PDZD2: variants seen among roughly 807,000 people sequenced by gnomAD.
PDZD2 encodes PDZ domain-containing protein 2.
A neutral mutation model predicts 220.7 loss-of-function variants in PDZD2; 90 were observed. The ratio of observed to expected loss-of-function variants is 0.41; its 90% confidence interval spans 0.34 to 0.49. PDZD2 has a LOEUF of 0.49. PDZD2 is among the 20% of genes least tolerant of loss of function. The probability of loss-of-function intolerance (pLI) is 0.28; values close to 1 mark genes in which losing one functional copy is unlikely to be tolerated. For synonymous variants in PDZD2, 1,375 were observed against 1,450.5 expected, an observed-to-expected ratio of 0.95 and a Z score of 1.18; for missense variants, 3,174 against 3,608.5, an observed-to-expected ratio of 0.88 and a Z score of 3.08.
At chr5:31,673,435 G>C (rs1651058) in intron 1 of PDZD2, among the ~76,000 whole-genome samples, 28,610 of 152,172 alleles carry the variant, frequency 0.19, 2,973 homozygotes, top group African/African-American at 0.27. Context: ...CCTAGAACAA[G>C]AGGTTATGGC....
At position 31,826,329 on chromosome 5, in the gene PDZD2, C is replaced by A. The variant is rs568616113; in HGVS notation, c.476+26605C>A. Among the ~76,000 whole-genome samples, 146 of 152,134 alleles carry A rather than the reference C, an allele frequency of 9.6e-4. 1 individual carries two copies. Among genetic ancestry groups the A allele is most frequent in the Non-Finnish European group, 1.6e-3 (111 of 68,012 alleles). ...CTCCAAACCTTTTCAGGTAACAGTT[C>A]CCTGCAAAGTCTGAAAACAACCACT... On this transcript the variant is annotated intron_variant, in intron 2 of 24. Coordinates refer to ENST00000438447, the MANE Select transcript of PDZD2 (RefSeq NM_178140.4).
At chr5:31,681,826 T>A (rs1275842991) in intron 1 of PDZD2, among the ~76,000 whole-genome samples, 2 of 152,184 alleles carry the variant, frequency 1.3e-5, no homozygotes, top group East Asian at 3.9e-4. Flanking sequence ...TTGGTGACCA[T>A]AGAGACTCCA....
rs1371730435 is a variant in PDZD2 at position 32,109,069 on chromosome 5, G to C, written c.*934G>C. Reference sequence around the variant, plus strand: ...AGTCAGTCACTGGGTTTCCATTTCTGAATTTTATGCACTCCAACCATGAAT... The same window carrying C: ...AGTCAGTCACTGGGTTTCCATTTCTCAATTTTATGCACTCCAACCATGAAT... On this transcript the variant is annotated 3_prime_UTR_variant, in exon 25 of 25. Transcript: ENST00000438447. The C allele has an allele frequency of 1.3e-5, 2 of 152,536 alleles. No individual in the cohort carries two copies. The highest frequency in any genetic ancestry group is 2.9e-5 in the Non-Finnish European group (2 of 68,020). 9.4% of individuals were successfully genotyped at this position (152,536 alleles called of 1,614,324 possible).
rs781780217 is a variant in PDZD2, at chr5:32,074,524, T to C, written c.3418T>C (p.Ser1140Pro). Reference protein sequence around the residue: ...RSEAEAKPSGSQTVNLTGRAN... With the variant: ...RSEAEAKPSGPQTVNLTGRAN... ...CGAGGCTGAGGCCAAGCCCAGTGGC[T>C]CACAGACAGTGAACCTGACTGGCAG... is the stretch of plus-strand genomic sequence containing the variant. Residue 1140 changes from serine to proline, a missense_variant, in exon 18 of 25, where the codon TCA (serine) becomes CCA (proline). Ser to Pro is a moderately conservative substitution (Grantham distance 74). Transcript: ENST00000438447. The C allele has an allele frequency of 1.2e-6, 2 of 1,614,106 alleles. No homozygotes were observed. Among genetic ancestry groups the C allele is most frequent in the Non-Finnish European group, 8.5e-7 (1 of 1,179,974 alleles).
chr5:32,028,600 A>G (rs1404658923), intron 6 of PDZD2, among the ~76,000 whole-genome samples: 2 of 151,984 alleles, frequency 1.3e-5, no homozygotes, highest in Non-Finnish European at 2.9e-5. Context: ...TTTGTGTTTA[A>G]AAAAAACCAA....
intron 1 of PDZD2, among the ~76,000 whole-genome samples, chr5:31,708,118 A>C (rs1725515748): frequency 1.3e-5 from 2 of 152,104 alleles, no homozygotes; most frequent in African/African-American, 4.8e-5. Flanking sequence ...AGTTGAACCA[A>C]TCAAGTCCAG....
chr5:31,721,564 G>C (rs1748797553), intron 1 of PDZD2, among the ~76,000 whole-genome samples: 1 of 148,674 alleles, frequency 6.7e-6, no homozygotes, highest in Admixed American at 6.7e-5. Context: ...AACTAATAAG[G>C]AAAGGAAAGG....
intron 19 of PDZD2, among the ~76,000 whole-genome samples, chr5:32,079,028 G>A (rs566910063): frequency 6.6e-6 from 1 of 151,790 alleles, no homozygotes; most frequent in East Asian, 1.9e-4. Flanking sequence ...GGATGCCAAG[G>A]GGGGGCCGAT....
At chr5:31,716,600 C>T (rs1464186493) in intron 1 of PDZD2, among the ~76,000 whole-genome samples, 4 of 152,044 alleles carry the variant, frequency 2.6e-5, no homozygotes, top group Non-Finnish European at 4.4e-5. Context: ...GTCAGGAGTT[C>T]GAGACTAGCC....
intron 7 of PDZD2, among the ~76,000 whole-genome samples, 175 bp downstream of exon 7, chr5:32,037,517 G>A (rs1235545175): frequency 1.3e-5 from 2 of 152,190 alleles, no homozygotes; most frequent in African/African-American, 4.8e-5. Flanking sequence ...TCCTGCCTGT[G>A]TGAATTTCAT....
intron 2 of PDZD2, among the ~76,000 whole-genome samples, chr5:31,932,905 C>CT (rs59343179): frequency 9.9e-5 from 6 of 60,846 alleles, no homozygotes; most frequent in Admixed American, 3.7e-4. Context: ...GCATAGTGTC[C>CT]TTTTTTTTTT....
chr5:31,644,965 A>G (rs1195931656), intron 1 of PDZD2, among the ~76,000 whole-genome samples: 1 of 152,204 alleles, frequency 6.6e-6, no homozygotes, highest in Non-Finnish European at 1.5e-5. Context: ...ACTTCACAGC[A>G]CAGAGGATTA....
chr5:32,047,979 C>A (rs1738146900), intron 7 of PDZD2, among the ~76,000 whole-genome samples: 1 of 152,166 alleles, frequency 6.6e-6, no homozygotes, highest in Admixed American at 6.5e-5. Context: ...TGGTTAGTAG[C>A]ACAAAGGGTG....
At chr5:31,771,207 G>A (rs1752319772) in intron 1 of PDZD2, among the ~76,000 whole-genome samples, 3 of 152,204 alleles carry the variant, frequency 2.0e-5, no homozygotes, top group Admixed American at 2.0e-4. Flanking sequence ...GAGTGATACA[G>A]GGACTGTCTG....
At chr5:31,998,052 A>T (rs1468361913) in intron 4 of PDZD2, among the ~76,000 whole-genome samples, 1 of 152,166 alleles carries the variant, frequency 6.6e-6, no homozygotes, top group Non-Finnish European at 1.5e-5. Context: ...TGTGTTGGCC[A>T]GGCTGGTCTT....
At chr5:31,767,091 G>A (rs907462854) in intron 1 of PDZD2, among the ~76,000 whole-genome samples, 1 of 146,826 alleles carries the variant, frequency 6.8e-6, no homozygotes, top group Admixed American at 7.0e-5. Context: ...GAGTGCAGTG[G>A]CGAGATCTTG....
intron 2 of PDZD2, among the ~76,000 whole-genome samples, chr5:31,969,381 C>T (rs1453854579): frequency 6.6e-6 from 1 of 151,514 alleles, no homozygotes; most frequent in Non-Finnish European, 1.5e-5. Flanking sequence ...TAGTGGTGCA[C>T]ACCTGTAGTC....
intron 1 of PDZD2, among the ~76,000 whole-genome samples, chr5:31,677,054 A>G (rs554047973): frequency 6.6e-6 from 1 of 152,264 alleles, no homozygotes; most frequent in Admixed American, 6.5e-5. Flanking sequence ...CCCTATGAAA[A>G]AAGGATGAAT....
chr5:31,758,516 AAG>A (rs902266419), intron 1 of PDZD2, among the ~76,000 whole-genome samples: 2 of 152,194 alleles, frequency 1.3e-5, no homozygotes, highest in Non-Finnish European at 2.9e-5. Context: ...TGAAAGCACT[AAG>A]AGGGGAGGAG....
Sources: gnomAD v4.1 joint callset for allele counts (sites outside exome capture counted in the v4.1 genomes callset) on GRCh38, gnomAD v4.1.1 for gene constraint, MANE v1.5 for transcripts, NCBI Gene and HGNC (gene_info 2026-07-23, HGNC 2026-07-21) for gene names.